The following USH2A variants were observed in gnomAD, a reference collection of about 807,000 sequenced individuals.
The protein encoded by USH2A is Usher syndrome 2A (autosomal recessive, mild).
In USH2A, 443 loss-of-function variants were observed where a neutral mutation model predicts 538.9. That is an observed-to-expected ratio of 0.82 (90% CI 0.76 to 0.89). The LOEUF is 0.89. Ranked by LOEUF, USH2A falls within the 40% of genes least tolerant of loss-of-function variation. The pLI, the probability that USH2A is intolerant of heterozygous loss-of-function variation, is 0.00. For synonymous variants in USH2A, 2,413 were observed against 2,273.5 expected (o/e 1.06, Z -1.75); for missense variants, 6,633 against 6,324.8 (o/e 1.05, Z -1.65).
At chr1:215,722,161 G>A (rs1055077417) in intron 61 of USH2A, among the ~76,000 whole-genome samples, 5 of 151,600 alleles carry the variant, frequency 3.3e-5, no homozygotes, top group African/African-American at 1.2e-4. Flanking sequence ...ATAGAAGAAT[G>A]ACACAGTTAT....
At chr1:216,140,361 C>A (rs773602232) in intron 21 of USH2A, among the ~76,000 whole-genome samples, 10 of 152,074 alleles carry the variant, frequency 6.6e-5, no homozygotes, top group Non-Finnish European at 1.3e-4. Flanking sequence ...AAATATTGTA[C>A]CTCCTAGACT....
At chr1:215,932,851 A>C (rs1666398109) in intron 38 of USH2A, among the ~76,000 whole-genome samples, 1 of 152,022 alleles carries the variant, frequency 6.6e-6, no homozygotes, top group Non-Finnish European at 1.5e-5. Flanking sequence ...ACTATAAAAC[A>C]ATATTTTAGT....
chr1:215,722,114 G>C (rs6671417), intron 61 of USH2A, among the ~76,000 whole-genome samples: 1 of 149,480 alleles, frequency 6.7e-6, no homozygotes, highest in Non-Finnish European at 1.5e-5. Flanking sequence ...TCATTGTTTT[G>C]TGTGATATTT....
At chr1:216,104,018 C>G (rs965906603) in intron 21 of USH2A, among the ~76,000 whole-genome samples, 1 of 151,960 alleles carries the variant, frequency 6.6e-6, no homozygotes, top group Non-Finnish European at 1.5e-5. Flanking sequence ...TATACCTAGC[C>G]GAATCCAGTC....
rs111560100 is a variant in USH2A at position 215,644,372 on chromosome 1, A to G, written c.14791+3150T>C. Among the ~76,000 whole-genome samples, 226 of 152,278 alleles carry G rather than the reference A, an allele frequency of 1.5e-3. 1 individual carries two copies. Among genetic ancestry groups the G allele is most frequent in the African/African-American group, 5.3e-3 (221 of 41,550 alleles). On this transcript the variant is annotated intron_variant, in intron 67 of 71. Transcript: ENST00000307340. ...TATACACTTCAAAACAGAGCACTTG[A>G]CTAGGAGGTGACCACTGGAGTTTGG...
intron 38 of USH2A, among the ~76,000 whole-genome samples, chr1:215,920,650 TCA>T (rs1666075586): frequency 6.6e-6 from 1 of 151,932 alleles, no homozygotes; most frequent in Non-Finnish European, 1.5e-5. Context: ...TTTCTCAAGG[TCA>T]CACAATCAGG....
chr1:215,801,957 T>C (rs1389989638), intron 49 of USH2A, among the ~76,000 whole-genome samples: 1 of 151,138 alleles, frequency 6.6e-6, no homozygotes, highest in Non-Finnish European at 1.5e-5. Flanking sequence ...ATCCTAAAAA[T>C]GAACCCTTGC....
At chr1:216,308,102 T>G (rs145626259) in intron 9 of USH2A, among the ~76,000 whole-genome samples, 35 of 152,276 alleles carry the variant, frequency 2.3e-4, no homozygotes, top group Non-Finnish European at 4.9e-4. Context: ...CCTCCTATCC[T>G]TTTATCAGTT....
chr1:216,065,216 T>C (rs1435749644), intron 30 of USH2A, among the ~76,000 whole-genome samples: 2 of 152,156 alleles, frequency 1.3e-5, no homozygotes, highest in Non-Finnish European at 2.9e-5. Flanking sequence ...TTCAAGAAGG[T>C]ATCCTTCAGA....
chr1:216,256,074 T>G (rs551492675), intron 11 of USH2A, among the ~76,000 whole-genome samples: 72 of 152,246 alleles, frequency 4.7e-4, no homozygotes, highest in Middle Eastern at 3.4e-3. Flanking sequence ...TTATGATTAG[T>G]GTTCACAAGA....
At chr1:215,902,824 G>T (rs1435114868) in intron 38 of USH2A, among the ~76,000 whole-genome samples, 2 of 152,112 alleles carry the variant, frequency 1.3e-5, no homozygotes, top group African/African-American at 4.8e-5. Flanking sequence ...CATTCTGGTT[G>T]TGTTTAAGGA....
rs531002299 is a variant in USH2A, at chr1:216,012,088, G to A, written c.6326-11526C>T. Reference sequence around the variant, plus strand: ...TGCAAGCTCCGCTTCCCGGGTTCACGCCATTCTCCTGCCTCAGCCTCCCCA... The same window carrying A: ...TGCAAGCTCCGCTTCCCGGGTTCACACCATTCTCCTGCCTCAGCCTCCCCA... On this transcript the variant is annotated intron_variant, in intron 32 of 71. Coordinates refer to ENST00000307340, the MANE Select transcript of USH2A (RefSeq NM_206933.4). 5.1e-5 allele frequency among the ~76,000 whole-genome samples: 4 copies of A among 78,244 alleles called. 2 individuals carry two copies. The highest frequency in any genetic ancestry group is 1.1e-3 in the East Asian group (2 of 1,744). The allele number at this position is 78,244 out of a possible 152,430, so 51.3% of individuals were successfully genotyped here.
At chr1:216,297,560 A>G (rs1490511920) in intron 9 of USH2A, among the ~76,000 whole-genome samples, 1 of 152,112 alleles carries the variant, frequency 6.6e-6, no homozygotes, top group Non-Finnish European at 1.5e-5. Flanking sequence ...AAAAGAAGGA[A>G]GAGAGGGGTA....
chr1:215,924,480 T>C (rs1285324614), intron 38 of USH2A, among the ~76,000 whole-genome samples: 2 of 152,014 alleles, frequency 1.3e-5, no homozygotes, highest in African/African-American at 2.4e-5. Context: ...ATACAGTTTG[T>C]CTATGAAAAA....
At chr1:215,829,970 C>G (rs140648363) in intron 47 of USH2A, among the ~76,000 whole-genome samples, 1 of 152,154 alleles carries the variant, frequency 6.6e-6, no homozygotes, top group African/African-American at 2.4e-5. Flanking sequence ...CAGCTTATCT[C>G]TCCCACTGAT....
In USH2A at chr1:215,934,602, T is replaced by C; in HGVS notation, c.7300+14A>G. 1 of 1,610,454 alleles carries C rather than the reference T, an allele frequency of 6.2e-7. No individual in the cohort carries two copies. On this transcript the variant is annotated intron_variant, in intron 38 of 71. Transcript: ENST00000307340. ...TTATATAAAATTAGATAGCCAACAT[T>C]TGCATAGACTTACCTCCTGGAGGCA...
intron 4 of USH2A, among the ~76,000 whole-genome samples, chr1:216,334,968 A>G (rs1180768485): frequency 6.6e-6 from 1 of 151,886 alleles, no homozygotes; most frequent in Non-Finnish European, 1.5e-5. Flanking sequence ...AGACACCAAC[A>G]GAACACTCCA....
chr1:215,933,276 A>C (rs1318471273), intron 38 of USH2A, among the ~76,000 whole-genome samples: 2 of 151,966 alleles, frequency 1.3e-5, no homozygotes, highest in Admixed American at 6.6e-5. Flanking sequence ...TATTGAAGTG[A>C]AAAATGAAGA....
chr1:216,200,064 ATG>A lies in USH2A; in HGVS notation c.3372_3373del (p.Ile1125Ter), dbSNP rs2034949292. On this transcript the variant is annotated frameshift_variant, in exon 17 of 72. Transcript: ENST00000307340. LOFTEE classifies it high-confidence loss of function. ...TGAACCATGCACATTGGTGGTCTCA[ATG>A]TAATAGGAATATTTGGTATATGGTA... 6.2e-7 allele frequency: 1 copy of A among 1,613,894 alleles called. No homozygotes were observed.
Sources: allele counts gnomAD v4.1 joint callset (sites outside exome capture counted in the v4.1 genomes callset), GRCh38; gene constraint gnomAD v4.1.1; transcripts MANE v1.5; gene names NCBI Gene and HGNC (gene_info 2026-07-23, HGNC 2026-07-21).